KIAA0825: variants seen among roughly 807,000 people sequenced by gnomAD.
The protein encoded by KIAA0825 is KIAA0825.
Under a neutral mutation model 147.6 loss-of-function variants are expected in KIAA0825, and 119 were observed. The observed-to-expected ratio is 0.81, with a 90% confidence interval of 0.69 to 0.94. The LOEUF is 0.94. KIAA0825 is among the 40% of genes least tolerant of loss of function. The pLI is 0.00. For missense variants in KIAA0825, 1,381 were observed against 1,472.7 expected (o/e 0.94, Z 1.02); for synonymous variants, 470 against 518.1 (o/e 0.91, Z 1.26).
intron 20 of KIAA0825, among the ~76,000 whole-genome samples, chr5:94,312,783 A>T (rs1438508027): frequency 6.6e-6 from 1 of 151,724 alleles, no homozygotes; most frequent in Non-Finnish European, 1.5e-5. Context: ...TTAATACCAT[A>T]AAAAGGTTTA....
chr5:94,166,260 G>A (rs1283282339), intron 20 of KIAA0825, among the ~76,000 whole-genome samples: 4 of 152,260 alleles, frequency 2.6e-5, no homozygotes, highest in South Asian at 2.1e-4. Flanking sequence ...GACAGAGAGC[G>A]TTCATTATAT....
intron 1 of KIAA0825, chr5:94,592,844 G>T: frequency 1.8e-6 from 1 of 568,216 alleles, no homozygotes; most frequent in South Asian, 1.7e-5. Flanking sequence ...CCATTCTCCT[G>T]GACTGTGTTT....
At chr5:94,226,026 A>G (rs1350254065) in intron 20 of KIAA0825, among the ~76,000 whole-genome samples, 1 of 152,210 alleles carries the variant, frequency 6.6e-6, no homozygotes, top group African/African-American at 2.4e-5. Flanking sequence ...ATCTAATTAA[A>G]CTAAAGAGCT....
chr5:94,502,609 C>T, intron 5 of KIAA0825, among the ~76,000 whole-genome samples: 1 of 152,196 alleles, frequency 6.6e-6, no homozygotes, highest in East Asian at 1.9e-4. Flanking sequence ...AGAATGCTGA[C>T]ATTTCCCTTC....
chr5:94,293,509 C>G (rs1287480085), intron 20 of KIAA0825, among the ~76,000 whole-genome samples: 1 of 152,124 alleles, frequency 6.6e-6, no homozygotes, highest in Non-Finnish European at 1.5e-5. Context: ...TTTGCATTTG[C>G]TGAGGAGTGT....
chr5:94,396,406 A>C lies in KIAA0825; in HGVS notation c.2991T>G (p.Ser997=). 6.4e-7 allele frequency: 1 copy of C among 1,550,684 alleles called. No individual in the cohort carries two copies. The highest frequency in any genetic ancestry group is 8.7e-7 in the Non-Finnish European group (1 of 1,146,672). Reference sequence around the variant, plus strand: ...CAAATTTTTTTGACATTTTTCTCTCAGACAGAAAAAAGAAGTATTTAACTG... The same window carrying C: ...CAAATTTTTTTGACATTTTTCTCTCCGACAGAAAAAAGAAGTATTTAACTG... ...PPPVKYFFFL[S]ERKMSKKFVE... The change falls in exon 17 of 21, where the codon TCT becomes TCG. Residue 997 remains serine (S), a synonymous_variant. Transcript: ENST00000682413.
At chr5:94,459,199 A>G (rs1275536491) in intron 12 of KIAA0825, among the ~76,000 whole-genome samples, 1 of 152,112 alleles carries the variant, frequency 6.6e-6, no homozygotes, top group Non-Finnish European at 1.5e-5. Context: ...TGGATATGCC[A>G]CATTTTATGT....
intron 20 of KIAA0825, among the ~76,000 whole-genome samples, chr5:94,261,794 T>C (rs981007728): frequency 1.3e-5 from 2 of 152,194 alleles, no homozygotes; most frequent in Admixed American, 1.3e-4. Context: ...TTCACAAACA[T>C]GTTCATTTCC....
At chr5:94,282,332 AT>A (rs1449250117) in intron 20 of KIAA0825, among the ~76,000 whole-genome samples, 2 of 152,088 alleles carry the variant, frequency 1.3e-5, no homozygotes, top group African/African-American at 4.8e-5. Context: ...TAAAATTTAT[AT>A]GATTATAACT....
At chr5:94,404,487 T>G (rs1406551944) in intron 15 of KIAA0825, among the ~76,000 whole-genome samples, 2 of 151,858 alleles carry the variant, frequency 1.3e-5, no homozygotes, top group Non-Finnish European at 2.9e-5. Flanking sequence ...TCTTTACAAA[T>G]GGTCAATTAA....
intron 20 of KIAA0825, among the ~76,000 whole-genome samples, chr5:94,186,289 A>G (rs967951743): frequency 3.9e-5 from 6 of 152,220 alleles, no homozygotes; most frequent in Admixed American, 2.6e-4. Context: ...AAAACTCCAC[A>G]TAATCTTTAA....
chr5:94,290,386 T>C (rs192458099), intron 20 of KIAA0825, among the ~76,000 whole-genome samples: 1 of 152,298 alleles, frequency 6.6e-6, no homozygotes, highest in African/African-American at 2.4e-5. Context: ...CATGCAGTGT[T>C]TGGTTTTCTG....
At chr5:94,187,413 T>G (rs1045609508) in intron 20 of KIAA0825, among the ~76,000 whole-genome samples, 34 of 149,512 alleles carry the variant, frequency 2.3e-4, no homozygotes, top group South Asian at 2.1e-4. Context: ...TTTTTTTTTT[T>G]TTTTTTTTTT....
intron 2 of KIAA0825, among the ~76,000 whole-genome samples, chr5:94,550,354 T>C (rs550681725): frequency 1.1e-4 from 17 of 152,206 alleles, no homozygotes; most frequent in African/African-American, 3.1e-4. Flanking sequence ...AAACTGAACA[T>C]AGATTACACT....
At chr5:94,529,321 T>A in intron 3 of KIAA0825, among the ~76,000 whole-genome samples, 1 of 144,964 alleles carries the variant, frequency 6.9e-6, no homozygotes, top group Non-Finnish European at 1.5e-5. Context: ...ATCATATATA[T>A]GTATATATCA....
At chr5:94,611,832 G>A (rs1338359302) in intron 1 of KIAA0825, 1 of 152,074 alleles carries the variant, frequency 6.6e-6, no homozygotes. Context: ...TGTAGCCCCA[G>A]CTACTTGGGA....
chr5:94,438,100 G>A (rs567524419), intron 14 of KIAA0825, among the ~76,000 whole-genome samples: 5 of 152,260 alleles, frequency 3.3e-5, no homozygotes, highest in East Asian at 3.9e-4. Flanking sequence ...CCAATACTAC[G>A]CTATTCCGCT....
intron 15 of KIAA0825, among the ~76,000 whole-genome samples, chr5:94,410,940 T>C (rs1752681843): frequency 6.6e-6 from 1 of 152,252 alleles, no homozygotes; most frequent in African/African-American, 2.4e-5. Flanking sequence ...GATAAATATA[T>C]GGACAAATAT....
intron 20 of KIAA0825, among the ~76,000 whole-genome samples, chr5:94,332,024 C>T (rs995301087): frequency 6.6e-6 from 1 of 151,560 alleles, no homozygotes; most frequent in African/African-American, 2.4e-5. Context: ...TACCCAGGCA[C>T]AGGGGTGTGT....
Sources: gnomAD v4.1 joint callset for allele counts (sites outside exome capture counted in the v4.1 genomes callset) on GRCh38, gnomAD v4.1.1 for gene constraint, MANE v1.5 for transcripts, NCBI Gene and HGNC (gene_info 2026-07-23, HGNC 2026-07-21) for gene names.